NOL4: variants seen among roughly 807,000 people sequenced by gnomAD.
NOL4 encodes nucleolar protein 4.
A neutral mutation model predicts 75.9 loss-of-function variants in NOL4; 17 were observed. That is an observed-to-expected ratio of 0.22 (90% CI 0.15 to 0.34). The LOEUF (loss-of-function observed/expected upper bound fraction) is 0.34, where lower values mean the gene tolerates loss of function less well. NOL4 is among the 10% of genes least tolerant of loss of function. NOL4 has a pLI of 1.00. For synonymous variants in NOL4, 292 were observed against 289.9 expected (o/e 1.01, Z -0.07); for missense variants, 614 against 793.5 (o/e 0.77, Z 2.72).
chr18:34,104,049 C>T lies in NOL4; in HGVS notation c.637G>A (p.Glu213Lys), dbSNP rs2079157102. 6.2e-7 allele frequency: 1 copy of T among 1,602,440 alleles called. No individual in the cohort carries two copies. The highest frequency in any genetic ancestry group is 1.7e-5 in the Admixed American group (1 of 59,822). The change falls in exon 4 of 11, where the codon GAG (glutamate) becomes AAG (lysine). Residue 213 changes from glutamate to lysine, a missense_variant and splice_region_variant. Glu to Lys is a moderately conservative substitution (Grantham distance 56). Coordinates refer to ENST00000261592, the MANE Select transcript of NOL4 (RefSeq NM_003787.5). Reference sequence around the variant, plus strand: ...AAATGTAGATGTTTTTATTTTACCTCATCTTGCTGTGAGTTTAGCAGCTGC... The same window carrying T: ...AAATGTAGATGTTTTTATTTTACCTTATCTTGCTGTGAGTTTAGCAGCTGC... ...KLQLLNSQQD[E>K]DESSIESDEF...
intron 10 of NOL4, 67 bp from the exon 11 acceptor site, chr18:33,853,102 T>C (rs933662379): frequency 3.8e-5 from 50 of 1,319,582 alleles, no homozygotes; most frequent in Non-Finnish European, 5.1e-5. Flanking sequence ...GATGTGAGCA[T>C]TCAATAAATT....
At chr18:33,956,931 G>GT (rs1338573324) in intron 8 of NOL4, among the ~76,000 whole-genome samples, 1 of 152,066 alleles carries the variant, frequency 6.6e-6, no homozygotes, top group East Asian at 1.9e-4. Context: ...GAATGCCATT[G>GT]TTACATGCCA....
intron 6 of NOL4, among the ~76,000 whole-genome samples, chr18:33,996,893 T>A (rs1203766028): frequency 1.3e-5 from 2 of 151,658 alleles, no homozygotes; most frequent in Non-Finnish European, 3.0e-5. Context: ...GTCTTTTTGG[T>A]AAAATAATTT....
At chr18:34,164,028 G>C (rs530246788) in intron 1 of NOL4, among the ~76,000 whole-genome samples, 1 of 152,152 alleles carries the variant, frequency 6.6e-6, no homozygotes, top group Non-Finnish European at 1.5e-5. Flanking sequence ...TGGGAAAACT[G>C]GCTAGCCATA....
chr18:34,065,792 A>C (rs1431633213), intron 5 of NOL4, among the ~76,000 whole-genome samples: 1 of 151,978 alleles, frequency 6.6e-6, no homozygotes. Context: ...CAGGTACATA[A>C]AAACTTTTGA....
At position 34,088,303 on chromosome 18, in the gene NOL4, T is replaced by C. The variant is rs756274010; in HGVS notation, c.772+5162A>G. Among the ~76,000 whole-genome samples the C allele has an allele frequency of 5.6e-4, 85 of 152,028 alleles. 1 individual carries two copies. The highest frequency in any genetic ancestry group is 1.2e-3 in the Non-Finnish European group (79 of 67,950). On this transcript the variant is annotated intron_variant, in intron 5 of 10. Coordinates refer to ENST00000261592, the MANE Select transcript of NOL4 (RefSeq NM_003787.5). ...AATAACCCCAGACAAGGAATGAACA[T>C]CAGCTGTTTTAGAAGGTACAAATTC... is the stretch of plus-strand genomic sequence containing the variant.
intron 9 of NOL4, among the ~76,000 whole-genome samples, chr18:33,926,284 T>A (rs1381735014): frequency 1.5e-5 from 2 of 133,728 alleles, no homozygotes; most frequent in Non-Finnish European, 3.1e-5. Context: ...CGCTTGAACC[T>A]GGGAGGCAGA....
chr18:34,166,724 G>T (rs1222335962), intron 1 of NOL4, among the ~76,000 whole-genome samples: 1 of 151,734 alleles, frequency 6.6e-6, no homozygotes, highest in Non-Finnish European at 1.5e-5. Flanking sequence ...AATAATATTT[G>T]GGAAAAAATA....
chr18:34,118,577 A>G (rs2079974142), intron 2 of NOL4, among the ~76,000 whole-genome samples: 2 of 152,208 alleles, frequency 1.3e-5, no homozygotes, highest in East Asian at 1.9e-4. Context: ...GGCTCTATGC[A>G]TATCTTCAAT....
intron 5 of NOL4, among the ~76,000 whole-genome samples, chr18:34,061,219 G>C (rs779123620): frequency 1.3e-5 from 2 of 152,102 alleles, no homozygotes; most frequent in Non-Finnish European, 2.9e-5. Context: ...ATTTGGCTTA[G>C]TTATCAGTTC....
intron 2 of NOL4, among the ~76,000 whole-genome samples, chr18:34,122,224 G>A (rs2080176190): frequency 6.6e-6 from 1 of 152,194 alleles, no homozygotes; most frequent in Non-Finnish European, 1.5e-5. Flanking sequence ...GGGGGAAATG[G>A]GGAGCAGAAG....
At chr18:33,895,472 T>C (rs2065342735) in intron 9 of NOL4, among the ~76,000 whole-genome samples, 1 of 152,122 alleles carries the variant, frequency 6.6e-6, no homozygotes, top group Non-Finnish European at 1.5e-5. Flanking sequence ...TTTGTTATTA[T>C]CACCAAATCA....
intron 1 of NOL4, among the ~76,000 whole-genome samples, chr18:34,207,654 A>G (rs545698280): frequency 1.3e-5 from 2 of 152,248 alleles, no homozygotes; most frequent in Admixed American, 1.3e-4. Context: ...TTCCCAACAG[A>G]TTACTTTTTT....
At chr18:33,961,619 T>C (rs570807115) in intron 6 of NOL4, among the ~76,000 whole-genome samples, 4 of 152,088 alleles carry the variant, frequency 2.6e-5, no homozygotes, top group Non-Finnish European at 4.4e-5. Flanking sequence ...TGGAGAACCC[T>C]GAGTAGTAAT....
At chr18:33,964,645 A>G (rs937357781) in intron 6 of NOL4, among the ~76,000 whole-genome samples, 1 of 152,190 alleles carries the variant, frequency 6.6e-6, no homozygotes, top group Non-Finnish European at 1.5e-5. Flanking sequence ...GAAACCTCCT[A>G]GAAATGCAAA....
intron 5 of NOL4, among the ~76,000 whole-genome samples, chr18:34,050,674 A>C (rs1484761218): frequency 6.6e-6 from 1 of 152,060 alleles, no homozygotes; most frequent in Non-Finnish European, 1.5e-5. Flanking sequence ...ATTTTTCCTC[A>C]TGTATTATTT....
At chr18:34,069,274 A>T (rs1023834327) in intron 5 of NOL4, among the ~76,000 whole-genome samples, 2 of 152,214 alleles carry the variant, frequency 1.3e-5, no homozygotes, top group African/African-American at 2.4e-5. Context: ...TCCCTTTTAC[A>T]AAAGATTGGA....
chr18:34,187,624 T>G (rs2146375979), intron 1 of NOL4, among the ~76,000 whole-genome samples: 1 of 152,190 alleles, frequency 6.6e-6, no homozygotes, highest in East Asian at 1.9e-4. Flanking sequence ...CTTGACCTCG[T>G]GATACGCCCG....
chr18:34,083,079 T>A (rs546316530), intron 5 of NOL4, among the ~76,000 whole-genome samples: 36 of 144,968 alleles, frequency 2.5e-4, no homozygotes, highest in Non-Finnish European at 5.2e-4. Flanking sequence ...TTGAAACAGC[T>A]AAATTTTGCT....
Sources: allele counts gnomAD v4.1 joint callset (sites outside exome capture counted in the v4.1 genomes callset), GRCh38; gene constraint gnomAD v4.1.1; transcripts MANE v1.5; gene names NCBI Gene and HGNC (gene_info 2026-07-23, HGNC 2026-07-21).